The following USO1 variants were observed in gnomAD, a reference collection of about 807,000 sequenced individuals.
USO1 encodes USO1 vesicle transport factor.
Under a neutral mutation model 124.5 loss-of-function variants are expected in USO1, and 57 were observed. The observed-to-expected ratio is 0.46, with a 90% CI of 0.37 to 0.57. USO1 has a LOEUF of 0.57. Among genes scored for constraint, USO1 ranks in the 20% least tolerant of loss-of-function variants. The pLI is 0.00. For missense variants in USO1, 900 were observed against 1,040.6 expected (o/e 0.86, Z 1.86); for synonymous variants, 369 against 362.8 (o/e 1.02, Z -0.19).
At chr4:75,786,827 TTCTC>T (rs1417784961) in intron 9 of USO1, among the ~76,000 whole-genome samples, 1 of 152,186 alleles carries the variant, frequency 6.6e-6, no homozygotes, top group African/African-American at 2.4e-5. Context: ...CCAAGGCAGT[TTCTC>T]TCTGGGAGTT....
chr4:75,799,977 T>A, intron 14 of USO1, among the ~76,000 whole-genome samples: 1 of 151,648 alleles, frequency 6.6e-6, no homozygotes, highest in South Asian at 2.1e-4. Context: ...GAAGTCTTGC[T>A]CTGTCGCCCA....
chr4:75,746,922 G>A (rs570687398), intron 1 of USO1, among the ~76,000 whole-genome samples: 1 of 152,240 alleles, frequency 6.6e-6, no homozygotes, highest in East Asian at 1.9e-4. Flanking sequence ...AAGCCTGATA[G>A]GATAGAAGAA....
At chr4:75,739,542 T>C (rs1041410896) in intron 1 of USO1, among the ~76,000 whole-genome samples, 19 of 142,870 alleles carry the variant, frequency 1.3e-4, no homozygotes, top group African/African-American at 4.1e-4. Context: ...CTTTTTCTTT[T>C]TTTTTTTTTT....
At chr4:75,788,003 G>A (rs1722410980) in intron 10 of USO1, among the ~76,000 whole-genome samples, 1 of 151,610 alleles carries the variant, frequency 6.6e-6, no homozygotes, top group South Asian at 2.1e-4. Context: ...CCCACCACAG[G>A]CCACCTGCAG....
rs1284917588 is a variant in USO1, at chr4:75,813,281, C to G, written c.2875C>G (p.Leu959Val). The G allele has an allele frequency of 6.2e-7, 1 of 1,604,732 alleles. No homozygotes were observed. Among genetic ancestry groups the G allele is most frequent in the Non-Finnish European group, 8.5e-7 (1 of 1,177,078 alleles). ...DDESEDPGKD[L>V]DHI is the part of the protein sequence containing the mutation. Reference sequence around the variant, plus strand: ...TGAAAGTGAAGATCCTGGCAAGGATCTAGATCATATCTAGTTTTCAAATCT... The same window carrying G: ...TGAAAGTGAAGATCCTGGCAAGGATGTAGATCATATCTAGTTTTCAAATCT... Residue 959 changes from leucine (L) to valine (V), a missense_variant, in exon 24 of 24, where the codon CTA (leucine) becomes GTA (valine). This residue lies in a region of USO1 where 362 missense variants were observed against 359.0 expected (regional missense o/e 1.01). Coordinates refer to ENST00000514213, the MANE Select transcript of USO1 (RefSeq NM_003715.4).
chr4:75,800,235 C>G, intron 14 of USO1, 116 bp from the exon 15 acceptor site: 1 of 1,264,478 alleles, frequency 7.9e-7, no homozygotes, highest in Middle Eastern at 2.1e-4. Context: ...CCACACCTAG[C>G]CTATATATGG....
intron 17 of USO1, among the ~76,000 whole-genome samples, chr4:75,803,216 T>A (rs997621408): frequency 1.3e-5 from 2 of 151,896 alleles, no homozygotes; most frequent in African/African-American, 2.4e-5. Context: ...AAAATTATGG[T>A]TTGAAAACTA....
At chr4:75,770,645 T>A in intron 5 of USO1, 106 bp downstream of exon 5, 20 of 1,463,324 alleles carry the variant, frequency 1.4e-5, no homozygotes, top group Non-Finnish European at 1.8e-5. Flanking sequence ...GGTAGTAAAG[T>A]TTATTGTATT....
chr4:75,744,828 C>T, intron 1 of USO1: 1 of 408,254 alleles, frequency 2.4e-6, no homozygotes, highest in South Asian at 1.8e-5. Context: ...CATGAATGGA[C>T]ATTAAGATAC....
chr4:75,733,172 T>C (rs1396682137), intron 1 of USO1, among the ~76,000 whole-genome samples: 2 of 151,502 alleles, frequency 1.3e-5, no homozygotes, highest in Non-Finnish European at 2.9e-5. Context: ...GGCAGGAGAA[T>C]AGCTTGAACC....
chr4:75,751,688 A>G lies in USO1; in HGVS notation c.67-685A>G, dbSNP rs886728295. Among the ~76,000 whole-genome samples the G allele has an allele frequency of 4.4e-3, 669 of 151,540 alleles. 1 individual carries two copies. The highest frequency in any genetic ancestry group is 6.2e-3 in the Non-Finnish European group (419 of 67,808). On this transcript the variant is annotated intron_variant, in intron 1 of 23. Coordinates refer to ENST00000514213, the MANE Select transcript of USO1 (RefSeq NM_003715.4). ...TCTACTAAAAATACTAAAATTAGCCAGGCATGGTGGCAGGTGCCTGTAATC... is the reference window on the plus strand; with the variant it reads ...TCTACTAAAAATACTAAAATTAGCCGGGCATGGTGGCAGGTGCCTGTAATC...
intron 1 of USO1, among the ~76,000 whole-genome samples, chr4:75,733,262 A>G (rs189675809): frequency 8.2e-4 from 125 of 152,266 alleles, no homozygotes; most frequent in Non-Finnish European, 1.4e-3. Context: ...CTGTCTCAAA[A>G]AAAAAATTAA....
At chr4:75,791,265 C>G (rs324731) in intron 12 of USO1, among the ~76,000 whole-genome samples, 1 of 152,064 alleles carries the variant, frequency 6.6e-6, no homozygotes, top group African/African-American at 2.4e-5. Context: ...GGCTCACGCC[C>G]GTAATCCCAA....
Position 75,785,320 on chromosome 4 carries a change from AT to A in USO1, c.856-1741del, listed in dbSNP as rs539214272. Among the ~76,000 whole-genome samples, 544 of 152,226 alleles carry A rather than the reference AT, an allele frequency of 3.6e-3. 8 individuals are homozygous for A. Among genetic ancestry groups the A allele is most frequent in the African/African-American group, 0.012 (497 of 41,558 alleles). On this transcript the variant is annotated intron_variant, in intron 9 of 23. Transcript: ENST00000514213. ...TTTGCAGACTATATTTAGGGAAAAC[AT>A]CTTTTGAAAAGTTTTTTAGTTATAA...
intron 7 of USO1, among the ~76,000 whole-genome samples, chr4:75,772,942 C>T (rs561990367): frequency 3.2e-4 from 48 of 152,058 alleles, no homozygotes; most frequent in African/African-American, 1.1e-3. Context: ...ACTAAAAATA[C>T]AAAAAATTAA....
chr4:75,805,425 G>A (rs1722967770), intron 19 of USO1, 122 bp downstream of exon 19: 8 of 1,358,672 alleles, frequency 5.9e-6, no homozygotes, highest in Non-Finnish European at 7.7e-6. Flanking sequence ...TTACAGGATG[G>A]GCCAGGCACA....
At chr4:75,736,307 CTTTTTTTTTTTTTTTT>C (rs775201813) in intron 1 of USO1, among the ~76,000 whole-genome samples, 1 of 63,282 alleles carries the variant, frequency 1.6e-5, no homozygotes, top group African/African-American at 7.3e-5. Flanking sequence ...TACAGCTTAC[CTTTTTTTTTTTTTTTT>C]TTTTTTTTTT....
rs1721853581 is a variant in USO1, at chr4:75,769,190, T to G, written c.296-1249T>G. 3.9e-5 allele frequency among the ~76,000 whole-genome samples: 6 copies of G among 152,346 alleles called. No individual in the cohort carries two copies. In the South Asian group the frequency reaches 1.0e-3, roughly 26 times the overall value. ...CTTTTCTTGATTATGCCTCCTGACC[T>G]GTCTCCCTATTTTCCTTACTCACTG... On this transcript the variant is annotated intron_variant, in intron 4 of 23. Transcript: ENST00000514213.
rs1721314434 is a variant in USO1 at position 75,752,276 on chromosome 4, T to C, written c.67-97T>C. ...AAGACCATTTCTGTTACATCCCATG[T>C]GCTGATTTTTTTTTTAATTACATGG... is the stretch of plus-strand genomic sequence containing the variant. On this transcript the variant is annotated intron_variant, in intron 1 of 23. Transcript: ENST00000514213. The C allele has an allele frequency of 1.0e-5, 4 of 396,172 alleles. No homozygotes were observed. In the Admixed American group the frequency reaches 1.3e-4, roughly 13 times the overall value. 24.5% of individuals were successfully genotyped at this position (396,172 alleles called of 1,614,324 possible).
Sources: allele counts gnomAD v4.1 joint callset (sites outside exome capture counted in the v4.1 genomes callset), GRCh38; gene constraint gnomAD v4.1.1; regional missense constraint gnomAD v4.1.1; transcripts MANE v1.5; gene names NCBI Gene and HGNC (gene_info 2026-07-23, HGNC 2026-07-21).